Variants in GRIK3 observed in about 807,000 individuals in gnomAD.
GRIK3 encodes glutamate ionotropic receptor kainate type subunit 3, also known as glutamate receptor ionotropic, kainate 3.
Under a neutral mutation model 102.5 loss-of-function variants are expected in GRIK3, and 29 were observed. That is an observed-to-expected ratio of 0.28 (90% confidence interval 0.21 to 0.39). The LOEUF is 0.39. Ranked by LOEUF, GRIK3 falls within the 10% of genes least tolerant of loss-of-function variation. GRIK3 has a pLI of 1.00. For missense variants in GRIK3, 908 were observed against 1,252.4 expected (o/e 0.73, Z 4.15); for synonymous variants, 511 against 504.9 (o/e 1.01, Z -0.16).
At chr1:36,934,631 G>A (rs1193022459) in intron 1 of GRIK3, among the ~76,000 whole-genome samples, 6 of 152,182 alleles carry the variant, frequency 3.9e-5, no homozygotes, top group African/African-American at 1.4e-4. Context: ...GTAATTAGAT[G>A]TGAAAACTGC....
chr1:36,880,522 A>T lies in GRIK3; in HGVS notation c.550+112T>A, dbSNP rs1640960533. On this transcript the variant is annotated intron_variant, in intron 3 of 15. Transcript: ENST00000373091. The surrounding 1 kb of genome is among the most constrained non-coding windows in gnomAD (Gnocchi z 5.4). ...TAACCGAGTGGAACTGGGGTATGGAACACAGCCTCTTCCCCCAGGGCAGCT... is the reference window on the plus strand; with the variant it reads ...TAACCGAGTGGAACTGGGGTATGGATCACAGCCTCTTCCCCCAGGGCAGCT... 2 of 1,090,776 alleles carry T rather than the reference A, an allele frequency of 1.8e-6. No individual in the cohort carries two copies. The highest frequency in any genetic ancestry group is 2.8e-6 in the Non-Finnish European group (2 of 724,498). 67.6% of individuals were successfully genotyped at this position (1,090,776 alleles called of 1,614,324 possible).
chr1:36,894,773 G>A lies in GRIK3; in HGVS notation c.116-3677C>T, dbSNP rs114565459. Among the ~76,000 whole-genome samples, 1,018 of 152,292 alleles carry A rather than the reference G, an allele frequency of 6.7e-3. 12 individuals carry two copies. The highest frequency in any genetic ancestry group is 0.023 in the African/African-American group (951 of 41,562). On this transcript the variant is annotated intron_variant, in intron 1 of 15. Transcript: ENST00000373091. ...GGGGAGGCCTTCACTGGGCCCCCACGCTTTTGTGAGTTTTACTCCTGGAAT... is the reference window on the plus strand; with the variant it reads ...GGGGAGGCCTTCACTGGGCCCCCACACTTTTGTGAGTTTTACTCCTGGAAT...
intron 1 of GRIK3, among the ~76,000 whole-genome samples, chr1:37,002,888 G>A (rs1346746320): frequency 1.3e-5 from 2 of 151,988 alleles, no homozygotes; most frequent in Admixed American, 6.5e-5. Flanking sequence ...TGATCCACCC[G>A]CCTTGGCCTC....
rs1006525306 is a variant in GRIK3, at chr1:36,880,990, A to G, written c.293-99T>C. 1.5e-5 allele frequency: 20 copies of G among 1,305,392 alleles called. No homozygotes were observed. In the African/African-American group the frequency reaches 2.3e-4, roughly 15 times the overall value. 80.9% of individuals were successfully genotyped at this position (1,305,392 alleles called of 1,614,324 possible). ...CTGTAAACATGTGGGAAAAACAGCAACTGGAACCCTCGGTGGGTGCACAAT... is the reference window on the plus strand; with the variant it reads ...CTGTAAACATGTGGGAAAAACAGCAGCTGGAACCCTCGGTGGGTGCACAAT... On this transcript the variant is annotated intron_variant, in intron 2 of 15. Coordinates refer to ENST00000373091, the MANE Select transcript of GRIK3 (RefSeq NM_000831.4). This position sits in a 1 kb window ranked among gnomAD's most constrained non-coding sequence, Gnocchi z 5.4.
chr1:36,847,654 T>C (rs1366759054), intron 9 of GRIK3, among the ~76,000 whole-genome samples: 1 of 152,250 alleles, frequency 6.6e-6, no homozygotes, highest in Non-Finnish European at 1.5e-5. Flanking sequence ...TAATCATTCA[T>C]GCTCTGAACT....
intron 1 of GRIK3, among the ~76,000 whole-genome samples, chr1:37,006,803 T>G (rs1325425289): frequency 6.6e-6 from 1 of 152,236 alleles, no homozygotes; most frequent in Non-Finnish European, 1.5e-5. Flanking sequence ...GGAGCTTGGC[T>G]GTGCTCAGCA....
intron 1 of GRIK3, among the ~76,000 whole-genome samples, chr1:37,022,197 A>G (rs918055910): frequency 6.6e-6 from 1 of 152,220 alleles, no homozygotes; most frequent in East Asian, 1.9e-4. Context: ...GGAGCCAGTG[A>G]TGTGGTAAAG....
chr1:36,998,244 A>G (rs953223567), intron 1 of GRIK3, among the ~76,000 whole-genome samples: 4 of 152,222 alleles, frequency 2.6e-5, no homozygotes, highest in African/African-American at 7.2e-5. Flanking sequence ...GCCTTCTACT[A>G]GTGAAGAGGC....
At position 37,034,467 on chromosome 1, in the gene GRIK3, C is replaced by T. The variant is rs1249942369; in HGVS notation, c.-359G>A. On this transcript the variant is annotated 5_prime_UTR_variant, in exon 1 of 16. Coordinates refer to ENST00000373091, the MANE Select transcript of GRIK3 (RefSeq NM_000831.4). ...CTGGCGGGCGGGCTGCACGCGTCTC[C>T]GGCCGCTCCTCCTCCAGCCGCCGCC... is the stretch of plus-strand genomic sequence containing the variant. 1.3e-5 allele frequency among the ~76,000 whole-genome samples: 2 copies of T among 151,412 alleles called. No homozygotes were observed. Among genetic ancestry groups the T allele is most frequent in the Non-Finnish European group, 3.0e-5 (2 of 67,736 alleles).
chr1:36,914,858 C>A (rs1053434436), intron 1 of GRIK3, among the ~76,000 whole-genome samples: 1 of 152,214 alleles, frequency 6.6e-6, no homozygotes, highest in African/African-American at 2.4e-5. Flanking sequence ...TGCACCTGGG[C>A]AGGTGTGAGC....
chr1:36,995,855 C>G (rs1335504073), intron 1 of GRIK3, among the ~76,000 whole-genome samples: 1 of 152,222 alleles, frequency 6.6e-6, no homozygotes, highest in Admixed American at 6.5e-5. Context: ...GCTGGCAAGG[C>G]ACTTCCTCCC....
chr1:37,009,475 C>T (rs891123075), intron 1 of GRIK3, among the ~76,000 whole-genome samples: 2 of 152,136 alleles, frequency 1.3e-5, no homozygotes, highest in Non-Finnish European at 2.9e-5. Flanking sequence ...GGGAGCTCGC[C>T]GAAGCGAAGT....
intron 1 of GRIK3, among the ~76,000 whole-genome samples, chr1:36,956,432 C>T (rs890310207): frequency 3.9e-5 from 6 of 152,198 alleles, no homozygotes; most frequent in East Asian, 1.9e-4. Flanking sequence ...TTTACCCAGA[C>T]GGCAGCATTC....
intron 1 of GRIK3, among the ~76,000 whole-genome samples, chr1:36,998,896 A>ATTGAATGTCCATCTAGCAGGGTTTGG (rs1485296635): frequency 9.9e-5 from 15 of 152,092 alleles, no homozygotes; most frequent in Non-Finnish European, 2.1e-4. Flanking sequence ...TGCCACAGTG[A>ATTGAATGTCCATCTAGCAGGGTTTGG]TTGAATGTCC....
chr1:36,999,163 G>C (rs375750848), intron 1 of GRIK3, among the ~76,000 whole-genome samples: 1 of 152,056 alleles, frequency 6.6e-6, no homozygotes, highest in African/African-American at 2.4e-5. Flanking sequence ...ATAAAGTAGA[G>C]GGTGGGGTGA....
At chr1:36,916,977 C>T (rs1335516142) in intron 1 of GRIK3, among the ~76,000 whole-genome samples, 1 of 152,196 alleles carries the variant, frequency 6.6e-6, no homozygotes, top group African/African-American at 2.4e-5. Flanking sequence ...CTGGAAAAAC[C>T]ACAGACACTC....
At chr1:36,939,853 CCTGGTCCACTACCACTA>C (rs1369055370) in intron 1 of GRIK3, among the ~76,000 whole-genome samples, 1 of 148,214 alleles carries the variant, frequency 6.7e-6, no homozygotes, top group African/African-American at 2.5e-5. Flanking sequence ...CCAGAGGAGG[CCTGGTCCACTACCACTA>C]CCGTTGTCCC....
At chr1:36,957,707 CGTGAGCCTGTGTGCTCT>C (rs1641937824) in intron 1 of GRIK3, among the ~76,000 whole-genome samples, 1 of 143,840 alleles carries the variant, frequency 7.0e-6, no homozygotes, top group Admixed American at 6.9e-5. Context: ...CTGTGTGCCC[CGTGAGCCTGTGTGCTCT>C]GTGAGTCTGT....
At chr1:36,907,693 C>CTT (rs1641298933) in intron 1 of GRIK3, among the ~76,000 whole-genome samples, 1 of 152,050 alleles carries the variant, frequency 6.6e-6, no homozygotes. Flanking sequence ...AGAGGCTGCC[C>CTT]CTCCACCCCC....
Sources: gnomAD v4.1 joint callset for allele counts (sites outside exome capture counted in the v4.1 genomes callset) on GRCh38, gnomAD v4.1.1 for gene constraint, Gnocchi (gnomAD v3.1) non-coding constraint, MANE v1.5 for transcripts, NCBI Gene and HGNC (gene_info 2026-07-23, HGNC 2026-07-21) for gene names.